COL7A1: variants seen among roughly 807,000 people sequenced by gnomAD.
COL7A1 encodes the protein collagen type VII alpha 1 chain, also known as collagen alpha-1(VII) chain.
A neutral mutation model predicts 456.2 loss-of-function variants in COL7A1; 296 were observed. That is an observed-to-expected ratio of 0.65 (90% CI 0.59 to 0.71). The LOEUF (loss-of-function observed/expected upper bound fraction) is 0.71, where lower values mean the gene tolerates loss of function less well. COL7A1 is among the 30% of genes least tolerant of loss of function. COL7A1 has a pLI of 0.00. For synonymous variants in COL7A1, 1,464 were observed against 1,525.9 expected (o/e 0.96, Z 0.95); for missense variants, 3,441 against 4,017.2 (o/e 0.86, Z 3.88).
Position 48,570,251 on chromosome 3 carries a change from G to A in COL7A1, c.7440+24C>T, listed in dbSNP as rs1249941706. On this transcript the variant is annotated intron_variant, in intron 98 of 118. Coordinates refer to ENST00000681320, the MANE Select transcript of COL7A1 (RefSeq NM_000094.4). This position sits in a 1 kb window ranked among gnomAD's most constrained non-coding sequence, Gnocchi z 5.5. Reference sequence around the variant, plus strand: ...GCAAGAGCTGGGATGAAGGGAGTTCGGCTGTGGAGTAAGACATACGTACCC... The same window carrying A: ...GCAAGAGCTGGGATGAAGGGAGTTCAGCTGTGGAGTAAGACATACGTACCC... 1.3e-5 allele frequency: 21 copies of A among 1,613,894 alleles called. No homozygotes were observed. The highest frequency in any genetic ancestry group is 4.0e-5 in the African/African-American group (3 of 74,952).
chr3:48,565,154 A>G lies in COL7A1; in HGVS notation c.8575T>C (p.Ser2859Pro). The change falls in exon 117 of 119, where the codon TCT becomes CCT. Residue 2859 changes from serine to proline, a missense_variant. By Grantham distance (74) the Ser-to-Pro change is moderately conservative. Around this residue, in one of 3 missense-constraint regions of COL7A1, gnomAD observed 2,084 missense variants for 2,501.3 expected, o/e 0.83. Transcript: ENST00000681320. This position sits in a 1 kb window ranked among gnomAD's most constrained non-coding sequence, Gnocchi z 4.5. ...DDEYSEYSEY[S>P]VEEYQDPEAP... ...TCAGGGTCCTGGTACTCCTCCACAG[A>G]ATACTCGGAGTATTCAGAGTACTCA... 1 of 1,614,042 alleles carries G rather than the reference A, an allele frequency of 6.2e-7. No individual in the cohort carries two copies. Among genetic ancestry groups the G allele is most frequent in the Non-Finnish European group, 8.5e-7 (1 of 1,179,972 alleles).
At position 48,575,776 on chromosome 3, in the gene COL7A1, CG is replaced by C. The variant is rs1235844091; in HGVS notation, c.5857-29del. 97 of 1,613,932 alleles carry C rather than the reference CG, an allele frequency of 6.0e-5. No individual in the cohort carries two copies. The highest frequency in any genetic ancestry group is 8.2e-5 in the Non-Finnish European group (97 of 1,180,020). ...GAGGGACAGCAAGAGGTCAGAGGAG[CG>C]GGGTGCGTCGCCGCAGCCCCTATGC... is the stretch of plus-strand genomic sequence containing the variant. On this transcript the variant is annotated intron_variant, in intron 72 of 118. Transcript: ENST00000681320. The surrounding 1 kb of genome is among the most constrained non-coding windows in gnomAD (Gnocchi z 6.3).
Position 48,569,319 on chromosome 3 carries a change from T to C in COL7A1, c.7686+56A>G. 1.2e-6 allele frequency: 2 copies of C among 1,601,478 alleles called. No individual in the cohort carries two copies. The highest frequency in any genetic ancestry group is 1.7e-6 in the Non-Finnish European group (2 of 1,168,708). The stretch of plus-strand genomic sequence containing the variant: ...TCCCCTCCTGCCCTCACAGATGCTG[T>C]GGAACCACCACAGCCACAGGACCCC... On this transcript the variant is annotated intron_variant, in intron 103 of 118. Transcript: ENST00000681320. This position sits in a 1 kb window ranked among gnomAD's most constrained non-coding sequence, Gnocchi z 4.9.
In COL7A1 at chr3:48,564,137, A is replaced by C; in HGVS notation, c.*269T>G. On this transcript the variant is annotated 3_prime_UTR_variant, in exon 119 of 119. Coordinates refer to ENST00000681320, the MANE Select transcript of COL7A1 (RefSeq NM_000094.4). This position sits in a 1 kb window ranked among gnomAD's most constrained non-coding sequence, Gnocchi z 6.0. Reference sequence around the variant, plus strand: ...CACCATGTCATCACAGGCTTGGGTCAAGGGGCGGGTCAGACGCCAGTCACA... The same window carrying C: ...CACCATGTCATCACAGGCTTGGGTCCAGGGGCGGGTCAGACGCCAGTCACA... The C allele has an allele frequency of 1.8e-6, 1 of 564,848 alleles. No individual in the cohort carries two copies. Among genetic ancestry groups the C allele is most frequent in the Non-Finnish European group, 3.2e-6 (1 of 310,124 alleles). The allele number at this position is 564,848 out of a possible 1,614,324, so 35.0% of individuals were successfully genotyped here. A position where few individuals can be genotyped will look rare whatever the true frequency, so the allele number is the denominator to read the frequency against.
Position 48,581,369 on chromosome 3 carries a change from C to G in COL7A1, c.4819-29G>C. On this transcript the variant is annotated intron_variant, in intron 51 of 118. Transcript: ENST00000681320. This position sits in a 1 kb window ranked among gnomAD's most constrained non-coding sequence, Gnocchi z 5.8. ...TGGAGGAGGCAAGAGGGAGGTGATGCAGGACGCTCGAAGCAAGCAGTTCTC... is the reference window on the plus strand; with the variant it reads ...TGGAGGAGGCAAGAGGGAGGTGATGGAGGACGCTCGAAGCAAGCAGTTCTC... 6.2e-7 allele frequency: 1 copy of G among 1,613,688 alleles called. No homozygotes were observed. Among genetic ancestry groups the G allele is most frequent in the Non-Finnish European group, 8.5e-7 (1 of 1,179,928 alleles).
chr3:48,591,664 A>G lies in COL7A1; in HGVS notation c.1507+9T>C. ...CCCCACTCACTGGCCCAGCCCACAG[A>G]GCCCTCACCAGTGGGAACCACGGTT... On this transcript the variant is annotated intron_variant, in intron 12 of 118. Transcript: ENST00000681320. This position sits in a 1 kb window ranked among gnomAD's most constrained non-coding sequence, Gnocchi z 7.0. 6.2e-7 allele frequency: 1 copy of G among 1,613,944 alleles called. No homozygotes were observed. The highest frequency in any genetic ancestry group is 8.5e-7 in the Non-Finnish European group (1 of 1,179,988).
In COL7A1 at chr3:48,582,507, G is replaced by A. The variant is rs1388770923; in HGVS notation, c.4570C>T (p.Pro1524Ser). ...RPGAKGPEGP[P>S]GPTGRQGEKG... ...TCTCCTTGGCGGCCAGTGGGTCCTGGTGGCCCCTGAATGTAGAGAAAGTGT... is the reference window on the plus strand; with the variant it reads ...TCTCCTTGGCGGCCAGTGGGTCCTGATGGCCCCTGAATGTAGAGAAAGTGT... Residue 1524 changes from proline (P) to serine (S), a missense_variant, in exon 46 of 119, where the codon CCA (proline) becomes TCA (serine). Pro to Ser is a moderately conservative substitution (Grantham distance 74, BLOSUM62 -1). Around this residue, in one of 3 missense-constraint regions of COL7A1, gnomAD observed 2,084 missense variants for 2,501.3 expected, o/e 0.83. Coordinates refer to ENST00000681320, the MANE Select transcript of COL7A1 (RefSeq NM_000094.4). 1 of 1,614,072 alleles carries A rather than the reference G, an allele frequency of 6.2e-7. No homozygotes were observed. The highest frequency in any genetic ancestry group is 1.1e-5 in the South Asian group (1 of 91,080).
At position 48,584,548 on chromosome 3, in the gene COL7A1, G is replaced by A. The variant is rs369136008; in HGVS notation, c.4056C>T (p.Pro1352=). 51 of 1,613,972 alleles carry A rather than the reference G, an allele frequency of 3.2e-5. No homozygotes were observed. Among genetic ancestry groups the A allele is most frequent in the African/African-American group, 4.0e-5 (3 of 74,896 alleles). The part of the protein sequence containing the change: ...PRGPKGEPGA[P]GQVIGGEGPG... ...GTCCTTCACCTCCGATGACTTGTCCGGGAGCCCCCTGTAAGGACAGAGAGC... is the reference window on the plus strand; with the variant it reads ...GTCCTTCACCTCCGATGACTTGTCCAGGAGCCCCCTGTAAGGACAGAGAGC... The change falls in exon 36 of 119, where the codon CCC becomes CCT. Residue 1352 remains proline (P), a synonymous_variant. Transcript: ENST00000681320.
rs888224850 is a variant in COL7A1 at position 48,575,842 on chromosome 3, T to C, written c.5856+25A>G. On this transcript the variant is annotated intron_variant, in intron 72 of 118. Transcript: ENST00000681320. This position sits in a 1 kb window ranked among gnomAD's most constrained non-coding sequence, Gnocchi z 6.3. ...AGCCCCAAGGGCCCCCACTTGTCCC[T>C]ACCCCCAGCCCCTAAACAACCCACC... 1.2e-6 allele frequency: 2 copies of C among 1,613,816 alleles called. No homozygotes were observed. Among genetic ancestry groups the C allele is most frequent in the South Asian group, 2.2e-5 (2 of 91,086 alleles).
At position 48,592,223 on chromosome 3, in the gene COL7A1, C is replaced by A. The variant is rs2107791869; in HGVS notation, c.1119G>T (p.Leu373=). The change falls in exon 10 of 119, where the codon CTG becomes CTT. Residue 373 remains leucine, a synonymous_variant. Transcript: ENST00000681320. The surrounding 1 kb of genome is among the most constrained non-coding windows in gnomAD (Gnocchi z 7.6). ...LSGGPTQQQE[L]GPGQGSVLLR... is the part of the protein sequence containing the mutation. ...GCAACACTGAACCCTGCCCAGGGCC[C>A]AGCTCCTGCTGCTGTGTGGGCCCAC... The A allele has an allele frequency of 1.9e-6, 3 of 1,613,554 alleles. No homozygotes were observed. The highest frequency in any genetic ancestry group is 2.5e-6 in the Non-Finnish European group (3 of 1,179,864).
rs753514884 is a variant in COL7A1 at position 48,583,481 on chromosome 3, G to A, written c.4402-53C>T. ...AGATTTGGGTTTGGGCATGAGGATG[G>A]AGCAGTGGTTGATGATTGAGGTAGG... is the stretch of plus-strand genomic sequence containing the variant. On this transcript the variant is annotated intron_variant, in intron 41 of 118. Transcript: ENST00000681320. The surrounding 1 kb of genome is among the most constrained non-coding windows in gnomAD (Gnocchi z 5.1). The A allele has an allele frequency of 4.3e-6, 7 of 1,613,938 alleles. No individual in the cohort carries two copies. Among genetic ancestry groups the A allele is most frequent in the Non-Finnish European group, 5.9e-6 (7 of 1,179,862 alleles).
Position 48,570,791 on chromosome 3 carries a change from C to A in COL7A1, c.7272+70G>T. The A allele has an allele frequency of 1.3e-6, 2 of 1,560,810 alleles. No homozygotes were observed. The highest frequency in any genetic ancestry group is 1.7e-6 in the Non-Finnish European group (2 of 1,152,454). On this transcript the variant is annotated intron_variant, in intron 95 of 118. Coordinates refer to ENST00000681320, the MANE Select transcript of COL7A1 (RefSeq NM_000094.4). This position sits in a 1 kb window ranked among gnomAD's most constrained non-coding sequence, Gnocchi z 5.5. ...TCTGCCCCCTCAAGACTGGGAACCCCCAAGGCAGGGCCCCCTCCTCACCCA... is the reference window on the plus strand; with the variant it reads ...TCTGCCCCCTCAAGACTGGGAACCCACAAGGCAGGGCCCCCTCCTCACCCA...
At chr3:48,589,224 C>G (rs1263736638) in intron 18 of COL7A1, 103 bp downstream of exon 18, 64 of 1,558,630 alleles carry the variant, frequency 4.1e-5, no homozygotes, top group Non-Finnish European at 5.1e-5. Context: ...GTGGACAGGA[C>G]AGTCACTGAG....
At position 48,568,162 on chromosome 3, in the gene COL7A1, T is replaced by C; in HGVS notation, c.7803A>G (p.Pro2601=). The C allele has an allele frequency of 6.2e-7, 1 of 1,613,550 alleles. No individual in the cohort carries two copies. Among genetic ancestry groups the C allele is most frequent in the Non-Finnish European group, 8.5e-7 (1 of 1,180,012 alleles). Residue 2601 remains proline, a synonymous_variant, in exon 106 of 119, where the codon CCA becomes CCG. Coordinates refer to ENST00000681320, the MANE Select transcript of COL7A1 (RefSeq NM_000094.4). This position sits in a 1 kb window ranked among gnomAD's most constrained non-coding sequence, Gnocchi z 5.2. ...AAGIPGDPGS[P]GKDGVPGIRG... is the part of the protein sequence containing the mutation. ...GGATACCAGGCACTCCATCCTTTCC[T>C]GGGGATCCCTAGCAGGGAGAGGGTC...
Position 48,573,927 on chromosome 3 carries a change from C to T in COL7A1, c.6502-37G>A, listed in dbSNP as rs1036803760. On this transcript the variant is annotated intron_variant, in intron 80 of 118. Coordinates refer to ENST00000681320, the MANE Select transcript of COL7A1 (RefSeq NM_000094.4). This position sits in a 1 kb window ranked among gnomAD's most constrained non-coding sequence, Gnocchi z 5.5. ...GGGCACTGATGAGCCTCAATCTGGG[C>T]CTCACTTGGGCCTGTTCCCAACCTC... 17 of 1,611,232 alleles carry T rather than the reference C, an allele frequency of 1.1e-5. No individual in the cohort carries two copies. Among genetic ancestry groups the T allele is most frequent in the Non-Finnish European group, 1.4e-5 (17 of 1,179,364 alleles).
Position 48,575,785 on chromosome 3 carries a change from TCGCCGCAGCCCCTATGCCTGTGGGCA to T in COL7A1, c.5856+56_5857-38del. 6.2e-7 allele frequency: 1 copy of T among 1,613,758 alleles called. No homozygotes were observed. The highest frequency in any genetic ancestry group is 1.1e-5 in the South Asian group (1 of 91,066). ...CAAGAGGTCAGAGGAGCGGGGTGCG[TCGCCGCAGCCCCTATGCCTGTGGGCA>T]CCACTAGCCCCAAGGGCCCCCACTT... is the stretch of plus-strand genomic sequence containing the variant. On this transcript the variant is annotated intron_variant, in intron 72 of 118. Coordinates refer to ENST00000681320, the MANE Select transcript of COL7A1 (RefSeq NM_000094.4). The surrounding 1 kb of genome is among the most constrained non-coding windows in gnomAD (Gnocchi z 6.3).
Position 48,574,960 on chromosome 3 carries a change from G to A in COL7A1, c.6280-95C>T. Reference sequence around the variant, plus strand: ...AGGATCACAGAGGGTTATAGGGTCAGAAATTCCAGGGTTATGGCACACACT... The same window carrying A: ...AGGATCACAGAGGGTTATAGGGTCAAAAATTCCAGGGTTATGGCACACACT... On this transcript the variant is annotated intron_variant, in intron 76 of 118. Transcript: ENST00000681320. The surrounding 1 kb of genome is among the most constrained non-coding windows in gnomAD (Gnocchi z 5.0). 1 of 1,578,912 alleles carries A rather than the reference G, an allele frequency of 6.3e-7. No individual in the cohort carries two copies. Among genetic ancestry groups the A allele is most frequent in the Non-Finnish European group, 8.7e-7 (1 of 1,151,002 alleles).
At position 48,593,164 on chromosome 3, in the gene COL7A1, A is replaced by T; in HGVS notation, c.620T>A (p.Leu207Gln). ...FVNDFSILRT[L>Q]LPLVSRRVCT... ...CACTCTCCGGGAAACGAGGGGCAGT[A>T]GTGTCCTCAAGATGCTGAAGTCATT... Residue 207 changes from leucine (L) to glutamine (Q), a missense_variant, in exon 6 of 119, where the codon CTA (leucine) becomes CAA (glutamine). Physicochemically the swap from Leu to Gln is moderately radical, Grantham distance 113. Transcript: ENST00000681320. This position sits in a 1 kb window ranked among gnomAD's most constrained non-coding sequence, Gnocchi z 4.4. 6.2e-7 allele frequency: 1 copy of T among 1,614,130 alleles called. No homozygotes were observed. The highest frequency in any genetic ancestry group is 8.5e-7 in the Non-Finnish European group (1 of 1,180,024).
Position 48,590,908 on chromosome 3 carries a change from G to A in COL7A1, c.1637-92C>T. On this transcript the variant is annotated intron_variant, in intron 13 of 118. Transcript: ENST00000681320. The surrounding 1 kb of genome is among the most constrained non-coding windows in gnomAD (Gnocchi z 4.6). ...GATGGACAGGGACGCAGAGTGAGAA[G>A]GGCCATGGGGGTGGGGATGTGGGGT... 5 of 1,389,700 alleles carry A rather than the reference G, an allele frequency of 3.6e-6. No individual in the cohort carries two copies. The highest frequency in any genetic ancestry group is 4.0e-6 in the Non-Finnish European group (4 of 994,716). 86.1% of individuals were successfully genotyped at this position (1,389,700 alleles called of 1,614,324 possible). A position where few individuals can be genotyped will look rare whatever the true frequency, so the allele number is the denominator to read the frequency against.
Sources: allele counts gnomAD v4.1 joint callset, GRCh38; gene constraint gnomAD v4.1.1; regional missense constraint gnomAD v4.1.1; non-coding constraint Gnocchi (gnomAD v3.1); transcripts MANE v1.5; gene names NCBI Gene and HGNC (gene_info 2026-07-23, HGNC 2026-07-21).